BBS4: variants seen among roughly 807,000 people sequenced by gnomAD.
The protein encoded by BBS4 is BBSome complex member BBS4.
Under a neutral mutation model 71.4 loss-of-function variants are expected in BBS4, and 58 were observed. The observed-to-expected ratio is 0.81, with a 90% CI of 0.66 to 1.01. BBS4 has a LOEUF of 1.01. BBS4 is among the 50% of genes least tolerant of loss of function. The pLI is 0.00. For synonymous variants in BBS4, 228 were observed against 216.8 expected (o/e 1.05, Z -0.46); for missense variants, 660 against 607.9 (o/e 1.09, Z -0.90).
Position 72,737,688 on chromosome 15 carries a change from A to C in BBS4, c.*101A>C. 1.1e-6 allele frequency: 1 copy of C among 918,410 alleles called. No individual in the cohort carries two copies. The highest frequency in any genetic ancestry group is 1.7e-6 in the Non-Finnish European group (1 of 583,666). The allele number at this position is 918,410 out of a possible 1,614,324, so 56.9% of individuals were successfully genotyped here. A position where few individuals can be genotyped will look rare whatever the true frequency, so the allele number is the denominator to read the frequency against. On this transcript the variant is annotated 3_prime_UTR_variant, in exon 16 of 16. Transcript: ENST00000268057. ...GGCAGAGCAGAGTGGCACCCACCACAGAATACAGTGTGTGTTATTACGAGG... is the reference window on the plus strand; with the variant it reads ...GGCAGAGCAGAGTGGCACCCACCACCGAATACAGTGTGTGTTATTACGAGG...
chr15:72,732,957 T>A (rs1194385652), intron 12 of BBS4, among the ~76,000 whole-genome samples: 1 of 152,208 alleles, frequency 6.6e-6, no homozygotes, highest in Non-Finnish European at 1.5e-5. Flanking sequence ...AGGTGTCTGG[T>A]ACCTGACCCT....
chr15:72,738,045 C>A lies in BBS4; in HGVS notation c.*458C>A. 2.2e-6 allele frequency: 1 copy of A among 453,954 alleles called. No individual in the cohort carries two copies. Among genetic ancestry groups the A allele is most frequent in the South Asian group, 1.6e-5 (1 of 64,464 alleles). 28.1% of individuals were successfully genotyped at this position (453,954 alleles called of 1,614,324 possible). A position where few individuals can be genotyped will look rare whatever the true frequency, so the allele number is the denominator to read the frequency against. ...TTGTGAGGTTTATTAGTCCCCAAGG[C>A]AAACACAAATATTAGATTAATAATC... On this transcript the variant is annotated 3_prime_UTR_variant, in exon 16 of 16. Transcript: ENST00000268057.
intron 1 of BBS4, chr15:72,686,796 G>C (rs1014105284): frequency 2.8e-5 from 10 of 353,032 alleles, no homozygotes; most frequent in Middle Eastern, 9.9e-4. Flanking sequence ...GGATGACCTA[G>C]TCGCTATTTT....
intron 15 of BBS4, 80 bp downstream of exon 15, chr15:72,737,043 G>A: frequency 6.6e-7 from 1 of 1,506,744 alleles, no homozygotes; most frequent in Non-Finnish European, 9.2e-7. Flanking sequence ...AGCTTTCAGT[G>A]AGGTTCTCTT....
At chr15:72,733,171 A>G (rs2065858363) in intron 12 of BBS4, among the ~76,000 whole-genome samples, 1 of 152,120 alleles carries the variant, frequency 6.6e-6, no homozygotes, top group Non-Finnish European at 1.5e-5. Flanking sequence ...TAAAAAGGCT[A>G]AAGTGGGGTG....
At chr15:72,704,337 C>T in intron 2 of BBS4, 1 of 768,196 alleles carries the variant, frequency 1.3e-6, no homozygotes, top group South Asian at 1.4e-5. Flanking sequence ...TCTGCATTTA[C>T]ATGCTTATGT....
In BBS4 at chr15:72,715,430, G is replaced by C. The variant is rs769115520; in HGVS notation, c.332+28G>C. ...GAGTATTGGCAACCTGGAGGCCCTA[G>C]GGCACTCACAGAGAACAGTGTAAAA... On this transcript the variant is annotated intron_variant, in intron 5 of 15. Transcript: ENST00000268057. 19 of 1,486,958 alleles carry C rather than the reference G, an allele frequency of 1.3e-5. No homozygotes were observed. The South Asian group carries it at 2.2e-4, about 17-fold the overall frequency. 92.1% of individuals were successfully genotyped at this position (1,486,958 alleles called of 1,614,324 possible). A position where few individuals can be genotyped will look rare whatever the true frequency, so the allele number is the denominator to read the frequency against.
intron 13 of BBS4, chr15:72,735,466 T>C: frequency 1.9e-6 from 1 of 524,112 alleles, no homozygotes; most frequent in African/African-American, 1.9e-5. Context: ...ATGGGCTAGC[T>C]GGAATATCAG....
chr15:72,722,584 T>A (rs927124398), intron 6 of BBS4, among the ~76,000 whole-genome samples: 1 of 152,192 alleles, frequency 6.6e-6, no homozygotes, highest in African/African-American at 2.4e-5. Flanking sequence ...TATTCTGCTT[T>A]TATTTCTTAT....
At chr15:72,722,296 C>T (rs1415266520) in intron 6 of BBS4, among the ~76,000 whole-genome samples, 1 of 152,232 alleles carries the variant, frequency 6.6e-6, no homozygotes, top group Admixed American at 6.5e-5. Context: ...AAGTTCACAT[C>T]ACCTAGTAAA....
At position 72,724,595 on chromosome 15, in the gene BBS4, A is replaced by G. The variant is rs766951504; in HGVS notation, c.527A>G (p.Lys176Arg). ...GATCTGACTTATATAATGCTGGGGA[A>G]GATCCACTTGCTGGAGGGAGACTTG... Reference protein sequence around the residue: ...RHDLTYIMLGKIHLLEGDLDK... With the variant: ...RHDLTYIMLGRIHLLEGDLDK... Residue 176 changes from lysine (K) to arginine (R), a missense_variant, in exon 8 of 16, where the codon AAG (lysine) becomes AGG (arginine). Physicochemically the swap from Lys to Arg is conservative, Grantham distance 26. Transcript: ENST00000268057. The G allele has an allele frequency of 6.2e-7, 1 of 1,614,180 alleles. No homozygotes were observed. The highest frequency in any genetic ancestry group is 1.7e-5 in the Admixed American group (1 of 60,028).
chr15:72,723,440 C>A (rs1363790825), intron 7 of BBS4, among the ~76,000 whole-genome samples: 2 of 152,140 alleles, frequency 1.3e-5, no homozygotes, highest in African/African-American at 4.8e-5. Flanking sequence ...GAGGAGTAGA[C>A]AAAATTACTG....
chr15:72,705,125 A>G (rs1229968123), intron 2 of BBS4, among the ~76,000 whole-genome samples: 1 of 152,066 alleles, frequency 6.6e-6, no homozygotes, highest in Admixed American at 6.6e-5. Context: ...GAAAAATATC[A>G]CTCATAAGTG....
At chr15:72,715,117 GGTT>G (rs1415109590) in intron 4 of BBS4, among the ~76,000 whole-genome samples, 171 bp from the exon 5 acceptor site, 1 of 152,166 alleles carries the variant, frequency 6.6e-6, no homozygotes, top group African/African-American at 2.4e-5. Flanking sequence ...CAGCAGTTTT[GGTT>G]GTTGTTTCAG....
rs748795500 is a variant in BBS4 at position 72,716,838 on chromosome 15, C to A, written c.393C>A (p.Asn131Lys). 6.2e-7 allele frequency: 1 copy of A among 1,609,436 alleles called. No individual in the cohort carries two copies. The highest frequency in any genetic ancestry group is 2.2e-5 in the East Asian group (1 of 44,830). Residue 131 changes from asparagine to lysine, a missense_variant, in exon 6 of 16, where the codon AAC becomes AAA. Coordinates refer to ENST00000268057, the MANE Select transcript of BBS4 (RefSeq NM_033028.5). Reference protein sequence around the residue: ...IEVYNEAAKLNQKDWEISHNL... With the variant: ...IEVYNEAAKLKQKDWEISHNL... ...TATATAATGAAGCAGCTAAACTCAACCAGAAAGATTGGGTAAGTAGAGAAC... is the reference window on the plus strand; with the variant it reads ...TATATAATGAAGCAGCTAAACTCAAACAGAAAGATTGGGTAAGTAGAGAAC...
chr15:72,716,889 T>C (rs1296543855), intron 6 of BBS4, 39 bp downstream of exon 6: 3 of 1,401,464 alleles, frequency 2.1e-6, no homozygotes, highest in Non-Finnish European at 3.0e-6. Flanking sequence ...ATTAGTAAAC[T>C]TGCTAATGGT....
chr15:72,696,026 A>G (rs893760650), intron 2 of BBS4, among the ~76,000 whole-genome samples: 4 of 152,226 alleles, frequency 2.6e-5, no homozygotes, highest in African/African-American at 4.8e-5. Flanking sequence ...TATACTTACA[A>G]TTACAGATAT....
rs1368666508 is a variant in BBS4 at position 72,738,096 on chromosome 15, GA to G, written c.*517del. ...CAACTTTAATAGTATACATTTAAAA[GA>G]AAAAAAACAAAAGCCCTGGAAGTTG... On this transcript the variant is annotated 3_prime_UTR_variant, in exon 16 of 16. Transcript: ENST00000268057. 2 of 450,732 alleles carry G rather than the reference GA, an allele frequency of 4.4e-6. No individual in the cohort carries two copies. Among genetic ancestry groups the G allele is most frequent in the South Asian group, 1.6e-5 (1 of 63,970 alleles). 27.9% of individuals were successfully genotyped at this position (450,732 alleles called of 1,614,324 possible).
chr15:72,736,860 C>G lies in BBS4; in HGVS notation c.1347C>G (p.Thr449=), dbSNP rs779876012. 7.4e-6 allele frequency: 12 copies of G among 1,614,176 alleles called. No homozygotes were observed. The change falls in exon 15 of 16, where the codon ACC becomes ACG. Residue 449 remains threonine, a synonymous_variant. Transcript: ENST00000268057. ...AAGATCCCAAATCAAAGCACCAGAC[C>G]ACTTCAACCAGCAAACCTGCCAGTT... ...PVKDPKSKHQ[T]TSTSKPASFQ... is the part of the protein sequence containing the mutation.
Sources: gnomAD v4.1 joint callset for allele counts (sites outside exome capture counted in the v4.1 genomes callset) on GRCh38, gnomAD v4.1.1 for gene constraint, MANE v1.5 for transcripts, NCBI Gene and HGNC (gene_info 2026-07-23, HGNC 2026-07-21) for gene names.